Variants in PITRM1 observed in about 807,000 individuals in gnomAD.
The protein encoded by PITRM1 is presequence protease, mitochondrial.
Under a neutral mutation model 129.9 loss-of-function variants are expected in PITRM1, and 100 were observed. The ratio of observed to expected loss-of-function variants is 0.77; its 90% CI spans 0.65 to 0.91. The LOEUF (loss-of-function observed/expected upper bound fraction) is 0.91. PITRM1 is among the 40% of genes least tolerant of loss of function. The pLI is 0.00. For missense variants in PITRM1, 1,471 were observed against 1,318.3 expected (o/e 1.12, Z -1.79); for synonymous variants, 591 against 508.8 (o/e 1.16, Z -2.17).
intron 18 of PITRM1, 89 bp from the exon 19 acceptor site, chr10:3,147,826 C>T (rs1841062113): frequency 1.5e-6 from 2 of 1,310,358 alleles, no homozygotes; most frequent in South Asian, 1.4e-5. Flanking sequence ...TTTCAGAGTA[C>T]TTTAACAACC....
chr10:3,148,440 G>A, intron 16 of PITRM1, 149 bp from the exon 17 acceptor site: 1 of 962,694 alleles, frequency 1.0e-6, no homozygotes, highest in South Asian at 1.8e-5. Flanking sequence ...TCATAAGCAG[G>A]TGCACTCTGG....
In PITRM1 at chr10:3,147,664, G is replaced by C. The variant is rs763007183; in HGVS notation, c.2143C>G (p.Pro715Ala). The C allele has an allele frequency of 6.2e-7, 1 of 1,613,804 alleles. No individual in the cohort carries two copies. Among genetic ancestry groups the C allele is most frequent in the Admixed American group, 1.7e-5 (1 of 59,966 alleles). ...GATGCGTACAGGTGCCCAGAGTCAGGAATTCCATTGGCGAGCTCCTGGGCG... is the reference window on the plus strand; with the variant it reads ...GATGCGTACAGGTGCCCAGAGTCAGCAATTCCATTGGCGAGCTCCTGGGCG... ...MTAQELANGI[P>A]DSGHLYASIR... Residue 715 changes from proline to alanine, a missense_variant, in exon 19 of 27, where the codon CCT becomes GCT. Coordinates refer to ENST00000224949, the MANE Select transcript of PITRM1 (RefSeq NM_014889.4).
intron 23 of PITRM1, among the ~76,000 whole-genome samples, chr10:3,142,440 G>C (rs1161754981): frequency 6.6e-6 from 1 of 152,198 alleles, no homozygotes; most frequent in Non-Finnish European, 1.5e-5. Context: ...CCTCATGGGG[G>C]TAGCTGCCTG....
In PITRM1 at chr10:3,172,759, C is replaced by T. The variant is rs1261961126; in HGVS notation, c.14G>A (p.Gly5Asp). MWRC[G>D]GRQGLCVLRR... ...CAGCACACACAGGCCCTGCCGCCCG[C>T]CGCAGCGCCACATTGCGCATGACGA... The change falls in exon 1 of 27, where the codon GGC becomes GAC. Residue 5 changes from glycine (G) to aspartate (D), a missense_variant. Coordinates refer to ENST00000224949, the MANE Select transcript of PITRM1 (RefSeq NM_014889.4). The T allele has an allele frequency of 2.6e-6, 4 of 1,546,684 alleles. No individual in the cohort carries two copies. The highest frequency in any genetic ancestry group is 3.5e-6 in the Non-Finnish European group (4 of 1,145,624).
At chr10:3,160,894 G>A (rs561181181) in intron 7 of PITRM1, among the ~76,000 whole-genome samples, 1 of 152,242 alleles carries the variant, frequency 6.6e-6, no homozygotes, top group South Asian at 2.1e-4. Context: ...CCAAGTTGCT[G>A]GGATTACAGG....
intron 23 of PITRM1, among the ~76,000 whole-genome samples, chr10:3,142,230 ATACT>A (rs1840305217): frequency 6.6e-6 from 1 of 152,204 alleles, no homozygotes; most frequent in African/African-American, 2.4e-5. Flanking sequence ...AGCTGACCAC[ATACT>A]TCTACAGCCA....
intron 23 of PITRM1, 45 bp downstream of exon 23, chr10:3,143,344 T>A: frequency 8.2e-7 from 1 of 1,223,624 alleles, no homozygotes; most frequent in Non-Finnish European, 1.2e-6. Context: ...GACAAGCTCT[T>A]CCGTAAGGCT....
chr10:3,158,181 C>G, intron 10 of PITRM1, 28 bp from the exon 11 acceptor site: 1 of 1,334,118 alleles, frequency 7.5e-7, no homozygotes, highest in Non-Finnish European at 1.1e-6. Flanking sequence ...AAATGATGCA[C>G]TGGAATCCGG....
intron 13 of PITRM1, among the ~76,000 whole-genome samples, chr10:3,156,495 C>T (rs1308607697): frequency 2.0e-5 from 3 of 152,212 alleles, no homozygotes; most frequent in Non-Finnish European, 4.4e-5. Flanking sequence ...TTTAAAAGTT[C>T]TACCATAGTA....
chr10:3,147,547 T>C (rs371244033), intron 19 of PITRM1, 25 bp downstream of exon 19: 67 of 1,611,114 alleles, frequency 4.2e-5, no homozygotes, highest in African/African-American at 2.0e-4. Flanking sequence ...ACCGGAGTAA[T>C]AGAGGTTCCT....
chr10:3,144,222 A>T, intron 22 of PITRM1, 70 bp downstream of exon 22: 1 of 849,212 alleles, frequency 1.2e-6, no homozygotes. Context: ...ACATTCGAAC[A>T]TCAGTGGCAG....
chr10:3,157,276 AAAT>A (rs1408669473), intron 12 of PITRM1, 156 bp downstream of exon 12: 1 of 646,636 alleles, frequency 1.5e-6, no homozygotes, highest in East Asian at 3.0e-5. Context: ...GCACAGGCTG[AAAT>A]AATGTTTAGG....
At chr10:3,140,903 C>A (rs1027693578) in intron 23 of PITRM1, 91 bp from the exon 24 acceptor site, 13 of 1,163,000 alleles carry the variant, frequency 1.1e-5, no homozygotes, top group Non-Finnish European at 1.5e-5. Flanking sequence ...AAATGAAAAT[C>A]GAGTTGTAAA....
intron 7 of PITRM1, among the ~76,000 whole-genome samples, chr10:3,161,433 G>A (rs998738121): frequency 3.9e-5 from 6 of 152,202 alleles, no homozygotes; most frequent in Non-Finnish European, 7.3e-5. Flanking sequence ...TATAGCCTGA[G>A]CTATGGTTAA....
chr10:3,144,057 A>C (rs1006594591), intron 22 of PITRM1: 21 of 583,284 alleles, frequency 3.6e-5, no homozygotes, highest in Non-Finnish European at 6.1e-5. Context: ...CGCACCCCAT[A>C]CCAGGGCCCT....
In PITRM1 at chr10:3,149,632, G is replaced by T. The variant is rs370694064; in HGVS notation, c.1860C>A (p.Ser620Arg). The change falls in exon 16 of 27, where the codon AGC becomes AGA. Residue 620 changes from serine (S) to arginine (R), a missense_variant. Coordinates refer to ENST00000224949, the MANE Select transcript of PITRM1 (RefSeq NM_014889.4). ...ELRPYVPLFC[S>R]VLTKLGCGLL... ...GTTGCGACTCGTACTTGGTGAGGAC[G>T]CTGCAGAAGAGGGGCACATAGGGCC... 4 of 1,569,106 alleles carry T rather than the reference G, an allele frequency of 2.5e-6. No individual in the cohort carries two copies. In the South Asian group the frequency reaches 4.7e-5, roughly 19 times the overall value.
rs1271022799 is a variant in PITRM1 at position 3,144,325 on chromosome 10, G to A, written c.2499C>T (p.Pro833=). The change falls in exon 22 of 27, where the codon CCC becomes CCT. Residue 833 remains proline, a synonymous_variant. Coordinates refer to ENST00000224949, the MANE Select transcript of PITRM1 (RefSeq NM_014889.4). ...PSSSGGDAHV[P]HGSQVIRKLV... Reference sequence around the variant, plus strand: ...GCTTCCTAATGACCTGGGAGCCATGGGGAACGTGGGCATCTCCACCAGAGC... The same window carrying A: ...GCTTCCTAATGACCTGGGAGCCATGAGGAACGTGGGCATCTCCACCAGAGC... 5 of 1,562,914 alleles carry A rather than the reference G, an allele frequency of 3.2e-6. No individual in the cohort carries two copies. In the Admixed American group the frequency reaches 7.5e-5, roughly 24 times the overall value.
Position 3,137,990 on chromosome 10 carries a change from G to C in PITRM1, c.*41C>G. On this transcript the variant is annotated 3_prime_UTR_variant, in exon 27 of 27. Transcript: ENST00000224949. ...GACTTTTCATATTCAGCTCGGAGGT[G>C]TATTGTCTCGGGCTCCTGTGCAGTC... is the stretch of plus-strand genomic sequence containing the variant. 8.8e-7 allele frequency: 1 copy of C among 1,140,810 alleles called. No individual in the cohort carries two copies. Among genetic ancestry groups the C allele is most frequent in the Non-Finnish European group, 1.3e-6 (1 of 767,802 alleles). 70.7% of individuals were successfully genotyped at this position (1,140,810 alleles called of 1,614,324 possible).
chr10:3,157,350 A>G, intron 12 of PITRM1, 85 bp downstream of exon 12: 1 of 792,630 alleles, frequency 1.3e-6, no homozygotes, highest in Non-Finnish European at 2.0e-6. Context: ...TATTTCACAT[A>G]AAAATATCAA....
Sources: gnomAD v4.1 joint callset for allele counts (sites outside exome capture counted in the v4.1 genomes callset) on GRCh38, gnomAD v4.1.1 for gene constraint, MANE v1.5 for transcripts, NCBI Gene and HGNC (gene_info 2026-07-23, HGNC 2026-07-21) for gene names.